Variants in FZD5 observed in about 807,000 individuals in gnomAD.
FZD5 encodes the protein frizzled class receptor 5.
A neutral mutation model predicts 40.8 loss-of-function variants in FZD5; 12 were observed. The ratio of observed to expected loss-of-function variants is 0.29; its 90% CI spans 0.19 to 0.48. The LOEUF (loss-of-function observed/expected upper bound fraction) is 0.48. Ranked by LOEUF, FZD5 falls within the 20% of genes least tolerant of loss-of-function variation. FZD5 has a pLI of 0.99. For missense variants in FZD5, 622 were observed against 832.8 expected (o/e 0.75, Z 3.12); for synonymous variants, 380 against 383.7 (o/e 0.99, Z 0.11).
At position 207,768,496 on chromosome 2, in the gene FZD5, G is replaced by A. The variant is rs758188965; in HGVS notation, c.244C>T (p.Leu82=). 1 of 1,613,996 alleles carries A rather than the reference G, an allele frequency of 6.2e-7. No homozygotes were observed. The highest frequency in any genetic ancestry group is 1.7e-5 in the Admixed American group (1 of 60,026). ...PLVEIQCSPD[L]RFFLCSMYTP... is the part of the protein sequence containing the mutation. ...TACATAGAGCATAGGAAGAAGCGCA[G>A]GTCCGGCGAGCATTGGATCTCCACC... The change falls in exon 2 of 2, where the codon CTG becomes TTG. Residue 82 remains leucine (L), a synonymous_variant. Transcript: ENST00000295417.
chr2:207,768,782 C>T lies in FZD5; in HGVS notation c.-43G>A. On this transcript the variant is annotated 5_prime_UTR_variant, in exon 2 of 2. Transcript: ENST00000295417. ...CGCCTCCAGCAGCCCGCGAGGGACG[C>T]ACACAGGCAGAGGAATCCGGGCCGG... 7.0e-7 allele frequency: 1 copy of T among 1,437,486 alleles called. No homozygotes were observed. The highest frequency in any genetic ancestry group is 9.3e-7 in the Non-Finnish European group (1 of 1,071,240). The allele number at this position is 1,437,486 out of a possible 1,614,324, so 89.0% of individuals were successfully genotyped here.
rs1193035539 is a variant in FZD5 at position 207,763,269 on chromosome 2, T to C, written c.*3713A>G. 1 of 152,596 alleles carries C rather than the reference T, an allele frequency of 6.6e-6. No individual in the cohort carries two copies. The highest frequency in any genetic ancestry group is 2.4e-5 in the African/African-American group (1 of 41,424). The allele number at this position is 152,596 out of a possible 1,614,324, so 9.5% of individuals were successfully genotyped here. A position where few individuals can be genotyped will look rare whatever the true frequency, so the allele number is the denominator to read the frequency against. On this transcript the variant is annotated 3_prime_UTR_variant, in exon 2 of 2. Coordinates refer to ENST00000295417, the MANE Select transcript of FZD5 (RefSeq NM_003468.4). The stretch of plus-strand genomic sequence containing the variant: ...AACATGAAGTCATACTGTCTTAAAA[T>C]GATGCACTCACAGACAGACACTATC...
Position 207,766,871 on chromosome 2 carries a change from G to A in FZD5, c.*111C>T, listed in dbSNP as rs541760352. 3 of 868,424 alleles carry A rather than the reference G, an allele frequency of 3.5e-6. No individual in the cohort carries two copies. Among genetic ancestry groups the A allele is most frequent in the Middle Eastern group, 6.8e-4 (2 of 2,928 alleles). The allele number at this position is 868,424 out of a possible 1,614,324, so 53.8% of individuals were successfully genotyped here. On this transcript the variant is annotated 3_prime_UTR_variant, in exon 2 of 2. Coordinates refer to ENST00000295417, the MANE Select transcript of FZD5 (RefSeq NM_003468.4). ...CTCTTCCCTCTCTCCAAGTCGCCGC[G>A]GGAGGGGGCAACAGCACCATGAAGG...
At position 207,768,520 on chromosome 2, in the gene FZD5, C is replaced by T; in HGVS notation, c.220G>A (p.Val74Met). Residue 74 changes from valine to methionine, a missense_variant, in exon 2 of 2, where the codon GTG (valine) becomes ATG (methionine). By Grantham distance (21) the Val-to-Met change is conservative. This residue lies in a region of FZD5 where 144 missense variants were observed against 214.2 expected (regional missense o/e 0.67). Transcript: ENST00000295417. ...AGGTCCGGCGAGCATTGGATCTCCACCAGCGGCCAGAACTGGTGCACCTCC... is the reference window on the plus strand; with the variant it reads ...AGGTCCGGCGAGCATTGGATCTCCATCAGCGGCCAGAACTGGTGCACCTCC... ...GLEVHQFWPL[V>M]EIQCSPDLRF... The T allele has an allele frequency of 5.0e-6, 8 of 1,613,998 alleles. No homozygotes were observed. The highest frequency in any genetic ancestry group is 8.5e-7 in the Non-Finnish European group (1 of 1,179,902).
rs2105850916 is a variant in FZD5, at chr2:207,766,812, A to ACC, written c.*169_*170insGG. 5.9e-6 allele frequency: 3 copies of ACC among 504,664 alleles called. No individual in the cohort carries two copies. The highest frequency in any genetic ancestry group is 6.8e-6 in the Non-Finnish European group (2 of 293,738). 31.3% of individuals were successfully genotyped at this position (504,664 alleles called of 1,614,324 possible). On this transcript the variant is annotated 3_prime_UTR_variant, in exon 2 of 2. Transcript: ENST00000295417. ...TACACGTGAGCTGGGCCCCTTGGAG[A>ACC]AGACCTGGGACAGGTTCTTCCTCGA...
At position 207,769,666 on chromosome 2, in the gene FZD5, C is replaced by A. The variant is rs1448460853; in HGVS notation, c.-657G>T. On this transcript the variant is annotated 5_prime_UTR_variant, in exon 1 of 2. Transcript: ENST00000295417. ...CTCACAGCACCGCGAGCAGCCGGCGCTGGCCAGGCCGGGACTGCATGGTGA... is the reference window on the plus strand; with the variant it reads ...CTCACAGCACCGCGAGCAGCCGGCGATGGCCAGGCCGGGACTGCATGGTGA... 1.3e-5 allele frequency: 2 copies of A among 152,052 alleles called. No individual in the cohort carries two copies. Among genetic ancestry groups the A allele is most frequent in the Non-Finnish European group, 2.9e-5 (2 of 68,020 alleles). The allele number at this position is 152,052 out of a possible 1,614,324, so 9.4% of individuals were successfully genotyped here. A position where few individuals can be genotyped will look rare whatever the true frequency, so the allele number is the denominator to read the frequency against.
Position 207,768,249 on chromosome 2 carries a change from G to A in FZD5, c.491C>T (p.Pro164Leu). 1.9e-6 allele frequency: 3 copies of A among 1,553,570 alleles called. No homozygotes were observed. Among genetic ancestry groups the A allele is most frequent in the South Asian group, 1.2e-5 (1 of 86,264 alleles). ...EATTAPPRPF[P>L]AKPTLPGPPG... ...CGGGCCTGGAAGGGTGGGCTTGGCT[G>A]GGAAAGGCCTGGGGGGCGCCGTGGT... The change falls in exon 2 of 2, where the codon CCA becomes CTA. Residue 164 changes from proline (P) to leucine (L), a missense_variant. Pro to Leu is a moderately conservative substitution (Grantham distance 98, BLOSUM62 -3). Coordinates refer to ENST00000295417, the MANE Select transcript of FZD5 (RefSeq NM_003468.4).
chr2:207,768,035 GGCGAACGT>G lies in FZD5; in HGVS notation c.697_704del (p.Thr233HisfsTer33). On this transcript the variant is annotated frameshift_variant, in exon 2 of 2. Coordinates refer to ENST00000295417, the MANE Select transcript of FZD5 (RefSeq NM_003468.4). LOFTEE classifies it high-confidence loss of function. ...CCGACCACAGGCCTATCCAGAAGGT[GGCGAACGT>G]GCGCTCGTCGGCACTGAAGGACGGC... 1 of 1,611,542 alleles carries G rather than the reference GGCGAACGT, an allele frequency of 6.2e-7. No individual in the cohort carries two copies. The highest frequency in any genetic ancestry group is 8.5e-7 in the Non-Finnish European group (1 of 1,178,898).
At position 207,767,709 on chromosome 2, in the gene FZD5, G is replaced by C; in HGVS notation, c.1031C>G (p.Ala344Gly). 6.2e-7 allele frequency: 1 copy of C among 1,614,040 alleles called. No individual in the cohort carries two copies. Among genetic ancestry groups the C allele is most frequent in the Non-Finnish European group, 8.5e-7 (1 of 1,179,970 alleles). The change falls in exon 2 of 2, where the codon GCC becomes GGC. Residue 344 changes from alanine (A) to glycine (G), a missense_variant. Around this residue, in one of 4 missense-constraint regions of FZD5, gnomAD observed 208 missense variants for 348.9 expected, o/e 0.60. Transcript: ENST00000295417. The part of the protein sequence containing the change: ...VILSLTWFLA[A>G]GMKWGNEAIA... ...GGCCTCGTTGCCCCACTTCATGCCG[G>C]CGGCCAGGAACCAGGTGAGCGACAG...
At position 207,768,356 on chromosome 2, in the gene FZD5, G is replaced by C. The variant is rs767557075; in HGVS notation, c.384C>G (p.Pro128=). The C allele has an allele frequency of 2.2e-5, 35 of 1,580,672 alleles. No homozygotes were observed. The South Asian group carries it at 3.6e-4, about 16-fold the overall frequency. Reference sequence around the variant, plus strand: ...GGAGGCGGTCGCAGCTCATGCGCTCGGGCCAGGCGAAGCCGTACTGGCGCA... The same window carrying C: ...GGAGGCGGTCGCAGCTCATGCGCTCCGGCCAGGCGAAGCCGTACTGGCGCA... The part of the protein sequence containing the change: ...PLMRQYGFAW[P]ERMSCDRLPV... Residue 128 remains proline, a synonymous_variant, in exon 2 of 2, where the codon CCC becomes CCG. Coordinates refer to ENST00000295417, the MANE Select transcript of FZD5 (RefSeq NM_003468.4).
In FZD5 at chr2:207,768,556, C is replaced by G; in HGVS notation, c.184G>C (p.Glu62Gln). The change falls in exon 2 of 2, where the codon GAG becomes CAG. Residue 62 changes from glutamate (E) to glutamine (Q), a missense_variant. Glu to Gln is a conservative substitution (Grantham distance 29). Around this residue, in one of 4 missense-constraint regions of FZD5, gnomAD observed 144 missense variants for 214.2 expected, o/e 0.67. Coordinates refer to ENST00000295417, the MANE Select transcript of FZD5 (RefSeq NM_003468.4). ...PNQFNHDTQD[E>Q]AGLEVHQFWP... ...AACTGGTGCACCTCCAGGCCCGCCT[C>G]GTCCTGCGTGTCGTGGTTGAACTGG... 6.2e-7 allele frequency: 1 copy of G among 1,613,990 alleles called. No homozygotes were observed. Among genetic ancestry groups the G allele is most frequent in the Middle Eastern group, 1.6e-4 (1 of 6,062 alleles).
rs1351256964 is a variant in FZD5, at chr2:207,767,011, G to A, written c.1729C>T (p.His577Tyr). 6.7e-7 allele frequency: 1 copy of A among 1,483,370 alleles called. No individual in the cohort carries two copies. Among genetic ancestry groups the A allele is most frequent in the South Asian group, 1.4e-5 (1 of 70,080 alleles). The allele number at this position is 1,483,370 out of a possible 1,614,324, so 91.9% of individuals were successfully genotyped here. ...TGPPGPAATY[H>Y]KQVSLSHV ...ACGTGCGACAGGGACACCTGCTTGT[G>A]GTAGGTGGCGGCGGGGCCCGGCGGC... Residue 577 changes from histidine (H) to tyrosine (Y), a missense_variant, in exon 2 of 2, where the codon CAC becomes TAC. His to Tyr is a moderately conservative substitution (Grantham distance 83). Around this residue, in one of 4 missense-constraint regions of FZD5, gnomAD observed 154 missense variants for 152.1 expected, o/e 1.01. Coordinates refer to ENST00000295417, the MANE Select transcript of FZD5 (RefSeq NM_003468.4).
rs560187798 is a variant in FZD5, at chr2:207,769,072, C to G, written c.-255-78G>C. 40 of 355,542 alleles carry G rather than the reference C, an allele frequency of 1.1e-4. No homozygotes were observed. The South Asian group carries it at 1.9e-3, about 17-fold the overall frequency. 22.0% of individuals were successfully genotyped at this position (355,542 alleles called of 1,614,324 possible). On this transcript the variant is annotated intron_variant, in intron 1 of 1. Transcript: ENST00000295417. ...GCGTCAACAGTTCGGTCCCCGCGAG[C>G]TGTCTCCAAATCTCTTAAGTTAACC... is the stretch of plus-strand genomic sequence containing the variant.
Position 207,765,901 on chromosome 2 carries a change from A to AG in FZD5, c.*1080dup, listed in dbSNP as rs1466200302. The AG allele has an allele frequency of 2.1e-5, 3 of 141,886 alleles. No homozygotes were observed. Among genetic ancestry groups the AG allele is most frequent in the Admixed American group, 2.1e-4 (3 of 14,586 alleles). 8.8% of individuals were successfully genotyped at this position (141,886 alleles called of 1,614,324 possible). Reference sequence around the variant, plus strand: ...AGGCTGTTTAACATGATAAAGGGGGAGGGGGGAGGGGGGAGGGGGTGGAGC... The same window carrying AG: ...AGGCTGTTTAACATGATAAAGGGGGAGGGGGGGAGGGGGGAGGGGGTGGAGC... On this transcript the variant is annotated 3_prime_UTR_variant, in exon 2 of 2. Transcript: ENST00000295417.
rs942138495 is a variant in FZD5 at position 207,768,800 on chromosome 2, C to T, written c.-61G>A. The T allele has an allele frequency of 2.3e-6, 3 of 1,318,820 alleles. No homozygotes were observed. Among genetic ancestry groups the T allele is most frequent in the African/African-American group, 1.5e-5 (1 of 66,026 alleles). The allele number at this position is 1,318,820 out of a possible 1,614,324, so 81.7% of individuals were successfully genotyped here. Reference sequence around the variant, plus strand: ...AGGGACGCACACAGGCAGAGGAATCCGGGCCGGGGCTTCTCCCTCCGGCGT... The same window carrying T: ...AGGGACGCACACAGGCAGAGGAATCTGGGCCGGGGCTTCTCCCTCCGGCGT... On this transcript the variant is annotated 5_prime_UTR_variant, in exon 2 of 2. Transcript: ENST00000295417.
chr2:207,767,015 G>C lies in FZD5; in HGVS notation c.1725C>G (p.Thr575=). The C allele has an allele frequency of 4.7e-6, 7 of 1,482,706 alleles. No individual in the cohort carries two copies. The highest frequency in any genetic ancestry group is 6.2e-6 in the Non-Finnish European group (7 of 1,125,514). The allele number at this position is 1,482,706 out of a possible 1,614,324, so 91.8% of individuals were successfully genotyped here. ...GRTGPPGPAA[T]YHKQVSLSHV is the part of the protein sequence containing the mutation. ...GCGACAGGGACACCTGCTTGTGGTA[G>C]GTGGCGGCGGGGCCCGGCGGCCCGG... The change falls in exon 2 of 2, where the codon ACC becomes ACG. Residue 575 remains threonine (T), a synonymous_variant. Transcript: ENST00000295417.
Position 207,763,040 on chromosome 2 carries a change from C to T in FZD5, c.*3942G>A, listed in dbSNP as rs1238529580. The T allele has an allele frequency of 6.6e-6, 1 of 152,504 alleles. No homozygotes were observed. Among genetic ancestry groups the T allele is most frequent in the Non-Finnish European group, 1.5e-5 (1 of 68,020 alleles). The allele number at this position is 152,504 out of a possible 1,614,324, so 9.4% of individuals were successfully genotyped here. A position where few individuals can be genotyped will look rare whatever the true frequency, so the allele number is the denominator to read the frequency against. ...AACAGTGACTACAGCATGGGATAGG[C>T]ACTATACATATATGGAAATCATAAA... On this transcript the variant is annotated 3_prime_UTR_variant, in exon 2 of 2. Coordinates refer to ENST00000295417, the MANE Select transcript of FZD5 (RefSeq NM_003468.4).
rs769998290 is a variant in FZD5 at position 207,762,869 on chromosome 2, A to C, written c.*4113T>G. The stretch of plus-strand genomic sequence containing the variant: ...AGGAACGAAGCAGAAACAAAAACTC[A>C]TCAAGCTGCTCTGGGTTTCCTTTTG... On this transcript the variant is annotated 3_prime_UTR_variant, in exon 2 of 2. Coordinates refer to ENST00000295417, the MANE Select transcript of FZD5 (RefSeq NM_003468.4). 3.5e-4 allele frequency: 53 copies of C among 152,632 alleles called. No individual in the cohort carries two copies. Among genetic ancestry groups the C allele is most frequent in the Non-Finnish European group, 1.2e-4 (8 of 68,036 alleles). The allele number at this position is 152,632 out of a possible 1,614,324, so 9.5% of individuals were successfully genotyped here. A position where few individuals can be genotyped will look rare whatever the true frequency, so the allele number is the denominator to read the frequency against.
chr2:207,769,574 G>C lies in FZD5; in HGVS notation c.-565C>G, dbSNP rs1473980399. ...CCCCGGGGCCGGGAGCCGGACGGAG[G>C]GCGAGCGCGCCTGGCAGCACCTGGG... is the stretch of plus-strand genomic sequence containing the variant. On this transcript the variant is annotated 5_prime_UTR_variant, in exon 1 of 2. Coordinates refer to ENST00000295417, the MANE Select transcript of FZD5 (RefSeq NM_003468.4). 6.6e-6 allele frequency: 1 copy of C among 152,438 alleles called. No individual in the cohort carries two copies. The highest frequency in any genetic ancestry group is 6.5e-5 in the Admixed American group (1 of 15,288). The allele number at this position is 152,438 out of a possible 1,614,324, so 9.4% of individuals were successfully genotyped here. A position where few individuals can be genotyped will look rare whatever the true frequency, so the allele number is the denominator to read the frequency against.
Sources: gnomAD v4.1 joint callset for allele counts on GRCh38, gnomAD v4.1.1 for gene constraint, gnomAD v4.1.1 regional missense constraint, MANE v1.5 for transcripts, NCBI Gene and HGNC (gene_info 2026-07-23, HGNC 2026-07-21) for gene names.